The following AUTS2 variants were observed in gnomAD, a reference collection of about 807,000 sequenced individuals.
The protein encoded by AUTS2 is autism susceptibility gene 2 protein.
Under a neutral mutation model 112.4 loss-of-function variants are expected in AUTS2, and 17 were observed. The observed-to-expected ratio is 0.15, with a 90% CI of 0.10 to 0.23. AUTS2 has a LOEUF of 0.23. Ranked by LOEUF, AUTS2 falls within the 10% of genes least tolerant of loss-of-function variation. AUTS2 has a pLI of 1.00. For synonymous variants in AUTS2, 751 were observed against 702.7 expected (o/e 1.07, Z -1.09); for missense variants, 1,510 against 1,701.6 (o/e 0.89, Z 1.98).
chr7:70,779,222 C>T (rs147225197), intron 14 of AUTS2, among the ~76,000 whole-genome samples: 11 of 152,276 alleles, frequency 7.2e-5, no homozygotes, highest in African/African-American at 2.2e-4. Flanking sequence ...GGCTATTACT[C>T]GATACTGGGA....
chr7:69,921,494 A>C (rs185109653), intron 2 of AUTS2, among the ~76,000 whole-genome samples: 1 of 152,206 alleles, frequency 6.6e-6, no homozygotes, highest in East Asian at 1.9e-4. Flanking sequence ...TTGGCCGAGC[A>C]TGGTGGCTCA....
intron 2 of AUTS2, among the ~76,000 whole-genome samples, chr7:69,907,675 C>T (rs1562961945): frequency 6.6e-6 from 1 of 152,176 alleles, no homozygotes; most frequent in Non-Finnish European, 1.5e-5. Context: ...TTGGTTGGAT[C>T]CATGGATACA....
rs759015569 is a variant in AUTS2, at chr7:70,787,317, C to T, written c.2417C>T (p.Pro806Leu). 7.4e-6 allele frequency: 12 copies of T among 1,614,096 alleles called. No homozygotes were observed. In the South Asian group the frequency reaches 1.1e-4, roughly 15 times the overall value. Residue 806 changes from proline (P) to leucine (L), a missense_variant, in exon 18 of 19, where the codon CCT becomes CTT. Pro to Leu is a moderately conservative substitution (Grantham distance 98). Coordinates refer to ENST00000342771, the MANE Select transcript of AUTS2 (RefSeq NM_015570.4). Reference protein sequence around the residue: ...LHRTPPSFPTPPPWLKPGELE... With the variant: ...LHRTPPSFPTLPPWLKPGELE... ...CGAACGCCTCCGTCGTTCCCGACCC[C>T]TCCGCCCTGGCTGAAGCCAGGGGAG...
At chr7:70,118,037 C>G in intron 2 of AUTS2, 95 bp from the exon 3 acceptor site, 1 of 1,388,390 alleles carries the variant, frequency 7.2e-7, no homozygotes, top group African/African-American at 1.5e-5. Flanking sequence ...CGTGAGCCAC[C>G]GTGCCTGGCT....
chr7:69,920,283 C>T (rs558366849), intron 2 of AUTS2, among the ~76,000 whole-genome samples: 7 of 152,116 alleles, frequency 4.6e-5, no homozygotes, highest in African/African-American at 1.2e-4. Flanking sequence ...CTCCTGTCCT[C>T]TCTCTTTCTT....
chr7:70,789,687 G>A (rs1437204283), intron 18 of AUTS2, 61 bp from the exon 19 acceptor site: 4 of 1,553,992 alleles, frequency 2.6e-6, no homozygotes, highest in African/African-American at 1.4e-5. Context: ...CGCAGCCCCT[G>A]GCCCGGCCGA....
At chr7:69,634,277 G>A (rs935469471) in intron 1 of AUTS2, among the ~76,000 whole-genome samples, 3 of 151,622 alleles carry the variant, frequency 2.0e-5, no homozygotes, top group East Asian at 1.9e-4. Flanking sequence ...CCGCCATCAC[G>A]CCCGGCTAAT....
intron 1 of AUTS2, among the ~76,000 whole-genome samples, chr7:69,763,065 C>T (rs540190070): frequency 3.3e-5 from 5 of 152,310 alleles, no homozygotes; most frequent in Admixed American, 6.5e-5. Flanking sequence ...TATTTTCACA[C>T]CTCTAAATGA....
chr7:69,961,263 AATCTG>A (rs1242742748), intron 2 of AUTS2, among the ~76,000 whole-genome samples: 19 of 152,258 alleles, frequency 1.2e-4, no homozygotes, highest in Admixed American at 1.1e-3. Context: ...CTCAATCAGC[AATCTG>A]TAGTATGGCT....
intron 1 of AUTS2, among the ~76,000 whole-genome samples, chr7:69,647,994 A>G (rs2851503): frequency 0.62 from 93,588 of 152,032 alleles, 29,109 homozygotes; most frequent in East Asian, 0.7. Context: ...ATCCACCCTA[A>G]TCCAGTATGC....
At chr7:70,491,787 G>A (rs1798256568) in intron 5 of AUTS2, among the ~76,000 whole-genome samples, 4 of 151,808 alleles carry the variant, frequency 2.6e-5, no homozygotes, top group Non-Finnish European at 4.4e-5. Context: ...GCTAATTTTT[G>A]TATTTTTAGT....
chr7:70,629,596 AG>A (rs1377405054), intron 5 of AUTS2, among the ~76,000 whole-genome samples: 8 of 152,126 alleles, frequency 5.3e-5, no homozygotes, highest in Admixed American at 5.2e-4. Context: ...GCCTGAATAG[AG>A]GCAGGCGCGT....
intron 5 of AUTS2, among the ~76,000 whole-genome samples, chr7:70,568,899 C>T (rs1013561185): frequency 6.6e-6 from 1 of 152,202 alleles, no homozygotes; most frequent in Non-Finnish European, 1.5e-5. Flanking sequence ...TGGCTGTTGA[C>T]AAATTTTTAG....
intron 5 of AUTS2, among the ~76,000 whole-genome samples, chr7:70,543,951 C>G (rs2129507289): frequency 6.6e-6 from 1 of 152,262 alleles, no homozygotes; most frequent in African/African-American, 2.4e-5. Flanking sequence ...CCCTCTCTTT[C>G]AGGCTTTGGT....
At chr7:70,123,182 A>G (rs1805780002) in intron 3 of AUTS2, among the ~76,000 whole-genome samples, 1 of 152,162 alleles carries the variant, frequency 6.6e-6, no homozygotes, top group Admixed American at 6.6e-5. Flanking sequence ...GGCCGAGATG[A>G]AAGCTTTTAA....
intron 4 of AUTS2, among the ~76,000 whole-genome samples, chr7:70,383,543 T>C (rs919913113): frequency 2.6e-5 from 4 of 152,230 alleles, no homozygotes; most frequent in Admixed American, 2.6e-4. Context: ...ATCTTATGAG[T>C]AGCTAAAAGC....
intron 5 of AUTS2, among the ~76,000 whole-genome samples, chr7:70,670,528 C>G (rs1807580308): frequency 1.3e-5 from 2 of 152,180 alleles, no homozygotes; most frequent in East Asian, 1.9e-4. Context: ...CCGGGTGACA[C>G]AGCCCACAGG....
chr7:70,365,028 G>A (rs1251043516), intron 4 of AUTS2, among the ~76,000 whole-genome samples: 1 of 152,146 alleles, frequency 6.6e-6, no homozygotes. Context: ...TATGTAAATG[G>A]AGAAAGGTAC....
chr7:70,098,411 G>A (rs1420990443), intron 2 of AUTS2, among the ~76,000 whole-genome samples: 2 of 152,156 alleles, frequency 1.3e-5, no homozygotes, highest in Non-Finnish European at 1.5e-5. Context: ...CTGCCCTTGC[G>A]GGGCTGGGAG....
Sources: allele counts gnomAD v4.1 joint callset (sites outside exome capture counted in the v4.1 genomes callset), GRCh38; gene constraint gnomAD v4.1.1; transcripts MANE v1.5; gene names NCBI Gene and HGNC (gene_info 2026-07-23, HGNC 2026-07-21).